The following CEP128 variants were observed in gnomAD, a reference collection of about 807,000 sequenced individuals.
CEP128 encodes centrosomal protein 128.
CEP128 carries 132 observed loss-of-function variants against 156.7 expected under a neutral mutation model. That is an observed-to-expected ratio of 0.84 (90% CI 0.73 to 0.97). The LOEUF is 0.97. Ranked by LOEUF, CEP128 falls within the 50% of genes least tolerant of loss-of-function variation. The pLI is 0.00. For synonymous variants in CEP128, 469 were observed against 448.9 expected, an observed-to-expected ratio of 1.04 and a Z score of -0.57; for missense variants, 1,252 against 1,281.9, an observed-to-expected ratio of 0.98 and a Z score of 0.36.
chr14:80,604,901 A>T lies in CEP128; in HGVS notation c.2807-24478T>A, dbSNP rs560903966. Among the ~76,000 whole-genome samples the T allele has an allele frequency of 1.8e-3, 275 of 152,190 alleles. 1 individual carries two copies. Among genetic ancestry groups the T allele is most frequent in the Non-Finnish European group, 3.3e-3 (227 of 67,942 alleles). On this transcript the variant is annotated intron_variant, in intron 19 of 24. Coordinates refer to ENST00000555265, the MANE Select transcript of CEP128 (RefSeq NM_152446.5). ...AAGACTCTAGACAGATCTGAAATTC[A>T]GATTAAGTTGACAATTAGGACAAAA...
intron 19 of CEP128, among the ~76,000 whole-genome samples, chr14:80,712,635 G>A (rs1262672618): frequency 6.6e-6 from 1 of 152,112 alleles, no homozygotes; most frequent in African/African-American, 2.4e-5. Flanking sequence ...CCATGTATCC[G>A]TAGACCCAGC....
At chr14:80,677,862 A>G (rs1896128784) in intron 19 of CEP128, among the ~76,000 whole-genome samples, 1 of 152,038 alleles carries the variant, frequency 6.6e-6, no homozygotes, top group Admixed American at 6.6e-5. Context: ...GTGCATAAAA[A>G]AAGTATGAAT....
Position 80,593,876 on chromosome 14 carries a change from T to C in CEP128, c.2807-13453A>G, listed in dbSNP as rs1892198090. Among the ~76,000 whole-genome samples the C allele has an allele frequency of 2.0e-5, 3 of 152,206 alleles. No homozygotes were observed. In the South Asian group the frequency reaches 6.2e-4, roughly 32 times the overall value. On this transcript the variant is annotated intron_variant, in intron 19 of 24. Coordinates refer to ENST00000555265, the MANE Select transcript of CEP128 (RefSeq NM_152446.5). Reference sequence around the variant, plus strand: ...TGCTCATGAATAGGAAGAATTAATATTGTGAAAATGGCCATACTGCCCGAA... The same window carrying C: ...TGCTCATGAATAGGAAGAATTAATACTGTGAAAATGGCCATACTGCCCGAA...
At chr14:80,699,700 A>T (rs1378766188) in intron 19 of CEP128, among the ~76,000 whole-genome samples, 1 of 152,174 alleles carries the variant, frequency 6.6e-6, no homozygotes, top group Non-Finnish European at 1.5e-5. Context: ...CTACCTCCTT[A>T]GTTAAGATGT....
At chr14:80,754,731 G>A (rs564095827) in intron 18 of CEP128, among the ~76,000 whole-genome samples, 5 of 152,160 alleles carry the variant, frequency 3.3e-5, no homozygotes, top group East Asian at 1.9e-4. Context: ...CAAAAGTGCC[G>A]GAATTACAGG....
chr14:80,858,040 A>C (rs902431273), intron 9 of CEP128, among the ~76,000 whole-genome samples: 4 of 152,168 alleles, frequency 2.6e-5, no homozygotes, highest in African/African-American at 9.7e-5. Flanking sequence ...AATTGGAAAA[A>C]ACTACTTTAA....
chr14:80,678,064 G>GTATATATATATATATATATATATATGTA (rs1274703937), intron 19 of CEP128, among the ~76,000 whole-genome samples: 2 of 27,450 alleles, frequency 7.3e-5, no homozygotes, highest in South Asian at 1.3e-3. Context: ...ATATATATAT[G>GTATATATATATATATATATATATATGTA]TATATATATA....
At chr14:80,606,989 A>G (rs953800505) in intron 19 of CEP128, among the ~76,000 whole-genome samples, 2 of 151,600 alleles carry the variant, frequency 1.3e-5, no homozygotes, top group Non-Finnish European at 2.9e-5. Context: ...ATATATACAT[A>G]CATGTACATA....
At chr14:80,827,394 A>G (rs1248882466) in intron 13 of CEP128, among the ~76,000 whole-genome samples, 1 of 152,222 alleles carries the variant, frequency 6.6e-6, no homozygotes, top group Non-Finnish European at 1.5e-5. Context: ...CTTTAAATTC[A>G]TAAGTGGCTC....
intron 20 of CEP128, among the ~76,000 whole-genome samples, chr14:80,562,663 T>C (rs1368618567): frequency 3.4e-5 from 5 of 146,342 alleles, no homozygotes; most frequent in East Asian, 2.0e-4. Context: ...TTCTTTTTTT[T>C]TTTTTTTTTT....
chr14:80,544,972 A>G (rs775287928), intron 21 of CEP128, among the ~76,000 whole-genome samples: 13 of 152,212 alleles, frequency 8.5e-5, no homozygotes, highest in Non-Finnish European at 1.8e-4. Context: ...AAGAAAATCA[A>G]TACTTAAAAA....
rs560771899 is a variant in CEP128 at position 80,894,094 on chromosome 14, T to C, written c.645+1624A>G. On this transcript the variant is annotated intron_variant, in intron 8 of 24. Coordinates refer to ENST00000555265, the MANE Select transcript of CEP128 (RefSeq NM_152446.5). ...AGAGAACATCTTCGTGATCTAAGTA[T>C]AGGGAATGACTTCTTAGGTCAAAAA... is the stretch of plus-strand genomic sequence containing the variant. Among the ~76,000 whole-genome samples, 11 of 152,060 alleles carry C rather than the reference T, an allele frequency of 7.2e-5. No homozygotes were observed. The East Asian group carries it at 1.7e-3, about 24-fold the overall frequency.
chr14:80,678,989 A>C (rs1055272547), intron 19 of CEP128, among the ~76,000 whole-genome samples: 1 of 152,230 alleles, frequency 6.6e-6, no homozygotes, highest in Non-Finnish European at 1.5e-5. Context: ...CCATCTCTGA[A>C]CATAAATTGT....
At chr14:80,534,698 A>G (rs1345107223) in intron 21 of CEP128, among the ~76,000 whole-genome samples, 2 of 151,876 alleles carry the variant, frequency 1.3e-5, no homozygotes, top group East Asian at 1.9e-4. Context: ...GGTGGCGGGC[A>G]CCTGTAGTCC....
At chr14:80,581,786 T>C (rs1188267681) in intron 19 of CEP128, among the ~76,000 whole-genome samples, 1 of 152,166 alleles carries the variant, frequency 6.6e-6, no homozygotes, top group Non-Finnish European at 1.5e-5. Flanking sequence ...AGAAACCAAC[T>C]TGGTGTATGG....
chr14:80,893,145 T>TA (rs1889182620), intron 8 of CEP128, among the ~76,000 whole-genome samples: 2 of 151,940 alleles, frequency 1.3e-5, no homozygotes, highest in Non-Finnish European at 1.5e-5. Flanking sequence ...TACTCAGCCT[T>TA]AAAAAAGAAT....
intron 13 of CEP128, among the ~76,000 whole-genome samples, chr14:80,804,383 A>T (rs1175601785): frequency 6.6e-6 from 1 of 152,166 alleles, no homozygotes; most frequent in African/African-American, 2.4e-5. Flanking sequence ...ACACAGGCAT[A>T]TAAAGTTCCA....
At chr14:80,919,768 T>C (rs1884752964) in intron 2 of CEP128, among the ~76,000 whole-genome samples, 1 of 152,164 alleles carries the variant, frequency 6.6e-6, no homozygotes, top group Admixed American at 6.5e-5. Context: ...AAGAATGATC[T>C]CTCACCACCA....
rs184016975 is a variant in CEP128 at position 80,762,516 on chromosome 14, T to C, written c.2377-903A>G. On this transcript the variant is annotated intron_variant, in intron 16 of 24. Coordinates refer to ENST00000555265, the MANE Select transcript of CEP128 (RefSeq NM_152446.5). ...AAAAAATAACAAGGAGATCCACTCA[T>C]TAAGAATTAATCATGAAAGCTAGAA... 1.7e-3 allele frequency among the ~76,000 whole-genome samples: 254 copies of C among 152,304 alleles called. 1 individual carries two copies. The highest frequency in any genetic ancestry group is 5.9e-3 in the African/African-American group (244 of 41,576).
Sources: allele counts gnomAD v4.1 joint callset (sites outside exome capture counted in the v4.1 genomes callset), GRCh38; gene constraint gnomAD v4.1.1; transcripts MANE v1.5; gene names NCBI Gene and HGNC (gene_info 2026-07-23, HGNC 2026-07-21).